Variants in ARHGAP44 observed in about 807,000 individuals in gnomAD.
The protein encoded by ARHGAP44 is Rho GTPase activating protein 44, also known as rho GTPase-activating protein 44.
Under a neutral mutation model 106.8 loss-of-function variants are expected in ARHGAP44, and 43 were observed. That is an observed-to-expected ratio of 0.40 (90% CI 0.32 to 0.52). The LOEUF (loss-of-function observed/expected upper bound fraction) is 0.52. Among genes scored for constraint, ARHGAP44 ranks in the 20% least tolerant of loss-of-function variants. The pLI is 0.48. For synonymous variants in ARHGAP44, 439 were observed against 410.3 expected (o/e 1.07, Z -0.85); for missense variants, 866 against 1,050.5 (o/e 0.82, Z 2.43).
intron 1 of ARHGAP44, among the ~76,000 whole-genome samples, chr17:12,822,810 T>G (rs1461369529): frequency 6.6e-6 from 1 of 152,166 alleles, no homozygotes; most frequent in East Asian, 1.9e-4. Flanking sequence ...CTTAGGTAAT[T>G]CAGTGTGAAG....
intron 1 of ARHGAP44, among the ~76,000 whole-genome samples, chr17:12,878,187 T>C (rs909690414): frequency 1.3e-5 from 2 of 152,226 alleles, no homozygotes; most frequent in African/African-American, 4.8e-5. Flanking sequence ...ATGGAAATTA[T>C]TGTATTCAGT....
chr17:12,967,091 C>T (rs1175066890), intron 16 of ARHGAP44, among the ~76,000 whole-genome samples: 4 of 144,050 alleles, frequency 2.8e-5, no homozygotes, highest in Non-Finnish European at 4.5e-5. Context: ...CCCCAGCACC[C>T]TTCTTCCTCA....
intron 1 of ARHGAP44, among the ~76,000 whole-genome samples, chr17:12,848,673 C>T (rs1348230683): frequency 6.6e-6 from 1 of 152,162 alleles, no homozygotes. Context: ...CTTTACTAGA[C>T]TCAGCTCCTT....
intron 1 of ARHGAP44, among the ~76,000 whole-genome samples, chr17:12,807,543 C>T (rs1044047999): frequency 8.5e-5 from 13 of 152,096 alleles, no homozygotes; most frequent in South Asian, 2.1e-4. Flanking sequence ...CAAGGGAGTA[C>T]GTATAGGGGA....
In ARHGAP44 at chr17:12,831,198, C is replaced by T. The variant is rs148511000; in HGVS notation, c.53+41307C>T. ...AGGTCAGGAGGGTGGTTACCTTTTA[C>T]AGATTCAAGAAAACATCTTAAGCCT... On this transcript the variant is annotated intron_variant, in intron 1 of 20. Transcript: ENST00000379672. Among the ~76,000 whole-genome samples the T allele has an allele frequency of 8.1e-3, 1,237 of 152,276 alleles. 25 individuals carry two copies. Among genetic ancestry groups the T allele is most frequent in the African/African-American group, 0.029 (1,193 of 41,546 alleles).
intron 1 of ARHGAP44, among the ~76,000 whole-genome samples, chr17:12,880,838 A>G (rs2036715999): frequency 6.6e-6 from 1 of 152,148 alleles, no homozygotes; most frequent in Non-Finnish European, 1.5e-5. Context: ...GTTTTCTACA[A>G]TGCTTTTAAC....
intron 1 of ARHGAP44, among the ~76,000 whole-genome samples, chr17:12,812,205 G>C (rs1307484691): frequency 3.3e-5 from 5 of 152,304 alleles, no homozygotes; most frequent in African/African-American, 7.2e-5. Context: ...ACACACTGCT[G>C]ATATTTGAGG....
At chr17:12,956,112 C>A in intron 14 of ARHGAP44, 132 bp downstream of exon 14, 1 of 639,908 alleles carries the variant, frequency 1.6e-6, no homozygotes, top group Non-Finnish European at 2.8e-6. Flanking sequence ...CTTTGTTGGC[C>A]TGCTCCTCTT....
At chr17:12,799,546 G>A (rs1052667991) in intron 1 of ARHGAP44, among the ~76,000 whole-genome samples, 2 of 152,138 alleles carry the variant, frequency 1.3e-5, no homozygotes, top group African/African-American at 4.8e-5. Flanking sequence ...CTTTTCATGG[G>A]CCAGTACTAG....
intron 1 of ARHGAP44, among the ~76,000 whole-genome samples, chr17:12,883,426 AC>A (rs2036795879): frequency 6.6e-6 from 1 of 150,842 alleles, no homozygotes; most frequent in African/African-American, 2.4e-5. Context: ...TATTCTGTTT[AC>A]TTCTTAAATA....
chr17:12,908,851 T>C (rs2037639208), intron 3 of ARHGAP44, 46 bp from the exon 4 acceptor site: 2 of 1,502,066 alleles, frequency 1.3e-6, no homozygotes, highest in Non-Finnish European at 1.8e-6. Context: ...ATTCAACAGA[T>C]GAATATGGAA....
chr17:12,808,888 C>T (rs548023701), intron 1 of ARHGAP44, among the ~76,000 whole-genome samples: 8 of 152,192 alleles, frequency 5.3e-5, no homozygotes, highest in African/African-American at 7.2e-5. Context: ...CTCTTTTAAA[C>T]GTAAGTTTCA....
At chr17:12,870,044 C>G (rs1371885771) in intron 1 of ARHGAP44, among the ~76,000 whole-genome samples, 1 of 98,654 alleles carries the variant, frequency 1.0e-5, no homozygotes, top group Non-Finnish European at 2.0e-5. Flanking sequence ...TCAACAAATA[C>G]CGTCTTTTTT....
chr17:12,978,580 G>A (rs1300651309), intron 18 of ARHGAP44, among the ~76,000 whole-genome samples: 2 of 152,138 alleles, frequency 1.3e-5, no homozygotes, highest in Non-Finnish European at 2.9e-5. Flanking sequence ...CTCAGTGGAC[G>A]AGAGTGCTCT....
chr17:12,836,885 A>G lies in ARHGAP44; in HGVS notation c.53+46994A>G, dbSNP rs76964627. ...TAGAATCAGTTCACAGAAAATTAGC[A>G]AGGACAAAGGAGAACTGAACAATGC... On this transcript the variant is annotated intron_variant, in intron 1 of 20. Coordinates refer to ENST00000379672, the MANE Select transcript of ARHGAP44 (RefSeq NM_014859.6). Among the ~76,000 whole-genome samples the G allele has an allele frequency of 5.0e-3, 762 of 152,328 alleles. 26 individuals are homozygous for G. The East Asian group carries it at 0.071, about 14-fold the overall frequency.
chr17:12,909,195 A>G (rs2081394868), intron 4 of ARHGAP44, among the ~76,000 whole-genome samples: 1 of 152,220 alleles, frequency 6.6e-6, no homozygotes, highest in South Asian at 2.1e-4. Flanking sequence ...GAAACTGATG[A>G]AGGACAATTG....
intron 1 of ARHGAP44, among the ~76,000 whole-genome samples, chr17:12,890,349 A>G (rs1419882941): frequency 6.6e-6 from 1 of 151,894 alleles, no homozygotes; most frequent in Non-Finnish European, 1.5e-5. Flanking sequence ...CAGCTTATGA[A>G]CTCTGTGCAC....
At chr17:12,959,110 T>A in intron 16 of ARHGAP44, 1 of 580,254 alleles carries the variant, frequency 1.7e-6, no homozygotes, top group African/African-American at 1.9e-5. Context: ...CCTTCTTAGC[T>A]GACACAGTTG....
intron 1 of ARHGAP44, among the ~76,000 whole-genome samples, chr17:12,838,077 A>G (rs952154996): frequency 6.6e-6 from 1 of 152,064 alleles, no homozygotes; most frequent in Non-Finnish European, 1.5e-5. Flanking sequence ...TTACTTTACT[A>G]TTGTTCATTT....
Sources: gnomAD v4.1 joint callset for allele counts (sites outside exome capture counted in the v4.1 genomes callset) on GRCh38, gnomAD v4.1.1 for gene constraint, MANE v1.5 for transcripts, NCBI Gene and HGNC (gene_info 2026-07-23, HGNC 2026-07-21) for gene names.